CAP2: variants seen among roughly 807,000 people sequenced by gnomAD.
CAP2 encodes adenylyl cyclase-associated protein 2.
Under a neutral mutation model 57.7 loss-of-function variants are expected in CAP2, and 24 were observed. The observed-to-expected ratio is 0.42, with a 90% CI of 0.30 to 0.58. The LOEUF is 0.58. CAP2 is among the 20% of genes least tolerant of loss of function. The pLI is 0.22. For synonymous variants in CAP2, 194 were observed against 207.2 expected (o/e 0.94, Z 0.55); for missense variants, 501 against 590.3 (o/e 0.85, Z 1.57).
intron 1 of CAP2, among the ~76,000 whole-genome samples, chr6:17,406,704 G>GA (rs1467330353): frequency 1.3e-5 from 2 of 151,864 alleles, no homozygotes; most frequent in African/African-American, 2.4e-5. Flanking sequence ...GGTTTCTTTA[G>GA]AAAAAAAGTT....
intron 2 of CAP2, 94 bp downstream of exon 2, chr6:17,421,770 T>C: frequency 7.1e-7 from 1 of 1,411,412 alleles, no homozygotes; most frequent in East Asian, 2.3e-5. Flanking sequence ...TCTATTATCC[T>C]TCAGCTTCCC....
At chr6:17,401,431 A>G (rs992122275) in intron 1 of CAP2, among the ~76,000 whole-genome samples, 7 of 152,236 alleles carry the variant, frequency 4.6e-5, no homozygotes, top group African/African-American at 7.2e-5. Context: ...AAACTAACAT[A>G]GTAACCTGTG....
chr6:17,537,936 G>A (rs551902162), intron 7 of CAP2, among the ~76,000 whole-genome samples: 1 of 152,128 alleles, frequency 6.6e-6, no homozygotes, highest in South Asian at 2.1e-4. Context: ...GCTTGGTGGT[G>A]CATGTTTTTA....
At chr6:17,445,379 T>G (rs1760230447) in intron 3 of CAP2, among the ~76,000 whole-genome samples, 1 of 152,242 alleles carries the variant, frequency 6.6e-6, no homozygotes, top group Non-Finnish European at 1.5e-5. Flanking sequence ...AGTGCTTGGA[T>G]TGTAGGCGTG....
chr6:17,550,101 G>A (rs1044882366), intron 11 of CAP2, among the ~76,000 whole-genome samples: 19 of 152,200 alleles, frequency 1.2e-4, no homozygotes, highest in African/African-American at 4.1e-4. Context: ...GGGTGCAGTG[G>A]CTCACACCTG....
At chr6:17,497,762 A>G (rs1208119662) in intron 4 of CAP2, among the ~76,000 whole-genome samples, 2 of 152,202 alleles carry the variant, frequency 1.3e-5, no homozygotes, top group African/African-American at 4.8e-5. Flanking sequence ...TGGAAAAGAT[A>G]TGTTTTCTCT....
intron 1 of CAP2, among the ~76,000 whole-genome samples, chr6:17,414,178 G>C (rs1759217001): frequency 6.6e-6 from 1 of 151,878 alleles, no homozygotes; most frequent in Non-Finnish European, 1.5e-5. Flanking sequence ...TTTGCAGAGA[G>C]TTCACATATA....
intron 7 of CAP2, among the ~76,000 whole-genome samples, chr6:17,529,710 A>G (rs1052783278): frequency 6.6e-6 from 1 of 151,132 alleles, no homozygotes; most frequent in African/African-American, 2.4e-5. Context: ...GTGAAGGAAG[A>G]CCATCTGATT....
chr6:17,519,121 A>G (rs772572100), intron 7 of CAP2, among the ~76,000 whole-genome samples: 4 of 152,144 alleles, frequency 2.6e-5, no homozygotes, highest in Non-Finnish European at 5.9e-5. Flanking sequence ...AGTGACTGAC[A>G]GCCTGCTGTT....
chr6:17,459,878 T>A (rs1561791432), intron 3 of CAP2, among the ~76,000 whole-genome samples: 1 of 152,116 alleles, frequency 6.6e-6, no homozygotes, highest in Non-Finnish European at 1.5e-5. Context: ...CATTCAAATA[T>A]TCTACACTAT....
At chr6:17,523,327 G>A (rs1762432113) in intron 7 of CAP2, among the ~76,000 whole-genome samples, 2 of 152,132 alleles carry the variant, frequency 1.3e-5, no homozygotes, top group Non-Finnish European at 2.9e-5. Flanking sequence ...GCAAGGAGGA[G>A]CTGGTAGAGA....
chr6:17,398,587 C>T lies in CAP2; in HGVS notation c.-2+4841C>T, dbSNP rs529106192. The stretch of plus-strand genomic sequence containing the variant: ...TCGCCCAGGCTGGAGTGCAGTGGCA[C>T]GATCTCCTCTCACTGCAAGCTCTGC... On this transcript the variant is annotated intron_variant, in intron 1 of 12. Transcript: ENST00000229922. 5.3e-5 allele frequency among the ~76,000 whole-genome samples: 8 copies of T among 150,650 alleles called. No individual in the cohort carries two copies. In the East Asian group the frequency reaches 9.8e-4, roughly 18 times the overall value.
intron 3 of CAP2, among the ~76,000 whole-genome samples, chr6:17,444,494 G>A (rs1760190505): frequency 6.6e-6 from 1 of 151,892 alleles, no homozygotes; most frequent in Non-Finnish European, 1.5e-5. Flanking sequence ...AAAATTAACT[G>A]GGTGTGGTGG....
At chr6:17,501,411 C>T (rs1204313557) in intron 4 of CAP2, among the ~76,000 whole-genome samples, 1 of 151,996 alleles carries the variant, frequency 6.6e-6, no homozygotes, top group Non-Finnish European at 1.5e-5. Context: ...TTATGTTTTA[C>T]GTCTGTATTT....
intron 1 of CAP2, among the ~76,000 whole-genome samples, chr6:17,409,480 A>G (rs1457131272): frequency 6.6e-6 from 1 of 152,118 alleles, no homozygotes; most frequent in Non-Finnish European, 1.5e-5. Context: ...CTCACTGGGT[A>G]CAGAGCACAG....
chr6:17,444,619 G>A (rs1348149002), intron 3 of CAP2, among the ~76,000 whole-genome samples: 3 of 124,218 alleles, frequency 2.4e-5, no homozygotes, highest in Admixed American at 9.7e-5. Context: ...CCAGCCTGGC[G>A]ACAGAGCAAG....
intron 3 of CAP2, among the ~76,000 whole-genome samples, chr6:17,438,337 A>G (rs74765072): frequency 3.8e-5 from 5 of 130,034 alleles, no homozygotes; most frequent in African/African-American, 1.0e-4. Context: ...CTGCACTCCA[A>G]CCTGGGCGAA....
chr6:17,451,320 G>C (rs1760396708), intron 3 of CAP2, among the ~76,000 whole-genome samples: 1 of 151,810 alleles, frequency 6.6e-6, no homozygotes, highest in South Asian at 2.1e-4. Context: ...TGAGCAAATG[G>C]GAAAACTTAC....
chr6:17,489,357 G>T (rs975322572), intron 4 of CAP2, among the ~76,000 whole-genome samples: 2 of 152,174 alleles, frequency 1.3e-5, no homozygotes, highest in African/African-American at 4.8e-5. Context: ...GCTTGAGCCT[G>T]GTAGGCGGAG....
Sources: gnomAD v4.1 joint callset for allele counts (sites outside exome capture counted in the v4.1 genomes callset) on GRCh38, gnomAD v4.1.1 for gene constraint, MANE v1.5 for transcripts, NCBI Gene and HGNC (gene_info 2026-07-23, HGNC 2026-07-21) for gene names.